Variants in MTOR observed in about 807,000 individuals in gnomAD.
The protein encoded by MTOR is mechanistic target of rapamycin kinase, also known as serine/threonine-protein kinase mTOR.
MTOR carries 70 observed loss-of-function variants against 319.8 expected under a neutral mutation model. The ratio of observed to expected loss-of-function variants is 0.22; its 90% CI spans 0.18 to 0.27. MTOR has a LOEUF of 0.27. Among genes scored for constraint, MTOR ranks in the 10% least tolerant of loss-of-function variants. The probability of loss-of-function intolerance (pLI) is 1.00; values close to 1 mark genes in which losing one functional copy is unlikely to be tolerated. For missense variants in MTOR, 1,890 were observed against 3,274.4 expected, an observed-to-expected ratio of 0.58 and a Z score of 10.32; for synonymous variants, 1,183 against 1,211.4, an observed-to-expected ratio of 0.98 and a Z score of 0.49.
At chr1:11,250,658 T>C (rs1649555484) in intron 6 of MTOR, among the ~76,000 whole-genome samples, 1 of 152,124 alleles carries the variant, frequency 6.6e-6, no homozygotes, top group South Asian at 2.1e-4. Flanking sequence ...ATAACATCTA[T>C]ACGCTGACAA....
intron 13 of MTOR, among the ~76,000 whole-genome samples, chr1:11,234,876 C>A (rs1647145125): frequency 1.3e-5 from 2 of 152,096 alleles, no homozygotes; most frequent in Non-Finnish European, 2.9e-5. Flanking sequence ...ACCAGCAAAT[C>A]AGCATATCTT....
At position 11,129,904 on chromosome 1, in the gene MTOR, A is replaced by G; in HGVS notation, c.5614-66T>C. 3.6e-6 allele frequency: 5 copies of G among 1,378,468 alleles called. No homozygotes were observed. The highest frequency in any genetic ancestry group is 5.1e-6 in the Non-Finnish European group (5 of 971,086). The allele number at this position is 1,378,468 out of a possible 1,614,324, so 85.4% of individuals were successfully genotyped here. ...CTTTCTCATCTGTAAAATGGGCATA[A>G]GAGCATACTAACTGTACCTACTTCA... On this transcript the variant is annotated intron_variant, in intron 39 of 57. Transcript: ENST00000361445. The surrounding 1 kb of genome is among the most constrained non-coding windows in gnomAD (Gnocchi z 4.7).
At chr1:11,234,488 C>T (rs887378433) in intron 13 of MTOR, among the ~76,000 whole-genome samples, 1 of 152,194 alleles carries the variant, frequency 6.6e-6, no homozygotes, top group African/African-American at 2.4e-5. Context: ...AACCTGCTCC[C>T]TTTCCTTTTA....
At chr1:11,237,717 T>C (rs910725700) in intron 13 of MTOR, 126 bp downstream of exon 13, 42 of 977,112 alleles carry the variant, frequency 4.3e-5, no homozygotes, top group Admixed American at 3.4e-4. Flanking sequence ...TGCAGACAAA[T>C]GCGGCTTTTA....
intron 9 of MTOR, among the ~76,000 whole-genome samples, chr1:11,242,365 T>C (rs566776603): frequency 6.6e-6 from 1 of 152,124 alleles, no homozygotes; most frequent in Admixed American, 6.5e-5. Flanking sequence ...CTTGGCATAG[T>C]GGCACATGCC....
rs999789264 is a variant in MTOR at position 11,144,448 on chromosome 1, G to A, written c.4872+200C>T. 3.2e-5 allele frequency: 17 copies of A among 530,044 alleles called. No homozygotes were observed. The South Asian group carries it at 4.9e-4, about 15-fold the overall frequency. The allele number at this position is 530,044 out of a possible 1,614,324, so 32.8% of individuals were successfully genotyped here. On this transcript the variant is annotated intron_variant, in intron 34 of 57. Coordinates refer to ENST00000361445, the MANE Select transcript of MTOR (RefSeq NM_004958.4). ...TAGAGAAGAGAATAAGAAGAGACTG[G>A]AAAATTGGTCATTCTCTCACAGCTT...
chr1:11,249,396 A>T (rs1423545841), intron 6 of MTOR, among the ~76,000 whole-genome samples: 2 of 151,604 alleles, frequency 1.3e-5, no homozygotes, highest in Non-Finnish European at 2.9e-5. Flanking sequence ...TTTGAAACTA[A>T]AACACTCCAT....
At position 11,259,516 on chromosome 1, in the gene MTOR, A is replaced by G. The variant is rs954863204; in HGVS notation, c.-14-93T>C. On this transcript the variant is annotated intron_variant, in intron 1 of 57. Coordinates refer to ENST00000361445, the MANE Select transcript of MTOR (RefSeq NM_004958.4). ...GGTCACCCAACACAGATCTCCCCCT[A>G]GCCCTTGTCAGGCAGGGGATTCTAA... 6.5e-5 allele frequency: 88 copies of G among 1,346,464 alleles called. 4 individuals are homozygous for G. In the South Asian group the frequency reaches 1.1e-3, roughly 17 times the overall value. 83.4% of individuals were successfully genotyped at this position (1,346,464 alleles called of 1,614,324 possible). A position where few individuals can be genotyped will look rare whatever the true frequency, so the allele number is the denominator to read the frequency against.
intron 8 of MTOR, among the ~76,000 whole-genome samples, chr1:11,244,149 G>A (rs750836480): frequency 3.1e-4 from 47 of 151,704 alleles, no homozygotes; most frequent in Admixed American, 5.9e-4. Flanking sequence ...AAAATTAGCC[G>A]GACATAAGGG....
intron 39 of MTOR, 110 bp downstream of exon 39, chr1:11,130,419 T>C (rs2100427551): frequency 1.3e-6 from 2 of 1,505,178 alleles, no homozygotes; most frequent in Non-Finnish European, 1.8e-6. Context: ...TCCAGCTCCA[T>C]CTGGCACTTC....
At chr1:11,124,022 A>C (rs1405406195) in intron 47 of MTOR, among the ~76,000 whole-genome samples, 1 of 152,162 alleles carries the variant, frequency 6.6e-6, no homozygotes, top group African/African-American at 2.4e-5. Context: ...TCCTGACCTC[A>C]AGTGATCCAC....
At chr1:11,242,162 G>C (rs989319717) in intron 9 of MTOR, among the ~76,000 whole-genome samples, 2 of 152,138 alleles carry the variant, frequency 1.3e-5, no homozygotes, top group South Asian at 4.2e-4. Context: ...TCAGGAGTTC[G>C]AGACCAGCCT....
chr1:11,259,122 G>T, intron 2 of MTOR, 126 bp downstream of exon 2: 1 of 1,156,368 alleles, frequency 8.6e-7, no homozygotes, highest in Non-Finnish European at 1.2e-6. Context: ...TGACAGGTTG[G>T]GTGCCTTTAT....
rs746812333 is a variant in MTOR at position 11,216,259 on chromosome 1, G to C, written c.3031-25C>G. 3.1e-6 allele frequency: 5 copies of C among 1,588,912 alleles called. No homozygotes were observed. In the Admixed American group the frequency reaches 5.0e-5, roughly 16 times the overall value. On this transcript the variant is annotated intron_variant, in intron 19 of 57. Coordinates refer to ENST00000361445, the MANE Select transcript of MTOR (RefSeq NM_004958.4). ...ACTGAAATGGACAAGAGGTCAACCA[G>C]CTGGTATCATGAAGGACATTGAACC...
At chr1:11,193,936 T>G (rs1460553241) in intron 28 of MTOR, among the ~76,000 whole-genome samples, 1 of 78,592 alleles carries the variant, frequency 1.3e-5, no homozygotes, top group African/African-American at 7.2e-5. Context: ...AATAGGTATT[T>G]TTCCTTTCTG....
chr1:11,240,593 T>C (rs746563534), intron 10 of MTOR, 46 bp from the exon 11 acceptor site: 2 of 1,587,306 alleles, frequency 1.3e-6, no homozygotes, highest in Admixed American at 3.5e-5. Context: ...CACATGACAC[T>C]CAGTCTGTTC....
At chr1:11,111,151 T>C in intron 54 of MTOR, 1 of 455,898 alleles carries the variant, frequency 2.2e-6, no homozygotes, top group South Asian at 1.5e-5. Context: ...CCTTTTCCTT[T>C]CTACCCATCA....
chr1:11,225,722 G>A (rs762397458), intron 19 of MTOR, among the ~76,000 whole-genome samples: 10 of 152,042 alleles, frequency 6.6e-5, no homozygotes, highest in Non-Finnish European at 1.0e-4. Context: ...GCACCTGGCC[G>A]ATAGTTGCTT....
intron 30 of MTOR, among the ~76,000 whole-genome samples, chr1:11,154,101 A>AAAAAAAAAC (rs1644241934): frequency 6.9e-6 from 1 of 144,300 alleles, no homozygotes. Flanking sequence ...AAAAAAAAAA[A>AAAAAAAAAC]AAGCCACATG....
Sources: gnomAD v4.1 joint callset for allele counts (sites outside exome capture counted in the v4.1 genomes callset) on GRCh38, gnomAD v4.1.1 for gene constraint, Gnocchi (gnomAD v3.1) non-coding constraint, MANE v1.5 for transcripts, NCBI Gene and HGNC (gene_info 2026-07-23, HGNC 2026-07-21) for gene names.